Variants in LSM12 observed in about 807,000 individuals in gnomAD.
The protein encoded by LSM12 is LSM12 homolog.
For missense variants in LSM12, 108 were observed against 238.9 expected (o/e 0.45, Z 3.61); for synonymous variants, 74 against 87.3 (o/e 0.85, Z 0.85).
chr17:44,050,271 T>C (rs1277862371), intron 2 of LSM12, among the ~76,000 whole-genome samples: 1 of 147,632 alleles, frequency 6.8e-6, no homozygotes, highest in Non-Finnish European at 1.5e-5. Flanking sequence ...CGGCTAATTT[T>C]TGTATTTTTT....
intron 3 of LSM12, among the ~76,000 whole-genome samples, chr17:44,039,751 T>C (rs1472728813): frequency 6.6e-6 from 1 of 152,198 alleles, no homozygotes; most frequent in East Asian, 1.9e-4. Flanking sequence ...CAATCTACAA[T>C]GGGAAAAGTG....
chr17:44,062,418 T>G (rs1395369456), intron 2 of LSM12, among the ~76,000 whole-genome samples: 1 of 152,096 alleles, frequency 6.6e-6, no homozygotes, highest in Non-Finnish European at 1.5e-5. Flanking sequence ...GCCTGGGTGA[T>G]CAGAGAAGAC....
chr17:44,036,164 G>A lies in LSM12; in HGVS notation c.*44C>T, dbSNP rs1244526411. On this transcript the variant is annotated 3_prime_UTR_variant, in exon 5 of 5. Transcript: ENST00000293406. ...TGCCTCCGCTGAAGCCACCACCAGC[G>A]CCTCCTTGGCTGGATGCTGGAAGAG... 25 of 1,590,558 alleles carry A rather than the reference G, an allele frequency of 1.6e-5. No individual in the cohort carries two copies. Among genetic ancestry groups the A allele is most frequent in the Non-Finnish European group, 1.9e-5 (22 of 1,166,140 alleles).
chr17:44,066,676 A>T (rs1275790714), upstream of LSM12: 1 of 1,259,206 alleles, frequency 7.9e-7, no homozygotes, highest in African/African-American at 1.6e-5. Context: ...GACGGCGCGC[A>T]CGGAGCGTGC....
At chr17:44,064,083 G>T (rs540355836) in intron 1 of LSM12, 149 bp from the exon 2 acceptor site, 3 of 835,252 alleles carry the variant, frequency 3.6e-6, no homozygotes, top group South Asian at 2.1e-5. Context: ...GTTCTCCTCA[G>T]GAAATCTCTG....
chr17:44,057,109 T>TA (rs1356001131), intron 2 of LSM12, among the ~76,000 whole-genome samples: 1 of 151,538 alleles, frequency 6.6e-6, no homozygotes, highest in Non-Finnish European at 1.5e-5. Context: ...TGAGCTGAGA[T>TA]AGAGCCATGG....
chr17:44,038,972 G>A (rs1205834096), intron 3 of LSM12, among the ~76,000 whole-genome samples: 1 of 152,162 alleles, frequency 6.6e-6, no homozygotes, highest in African/African-American at 2.4e-5. Flanking sequence ...GGGGTGGGGG[G>A]AGGCGGGGTG....
chr17:44,055,006 T>G (rs1360465049), intron 2 of LSM12, among the ~76,000 whole-genome samples: 1 of 151,966 alleles, frequency 6.6e-6, no homozygotes, highest in African/African-American at 2.4e-5. Flanking sequence ...GCCCGGCTAA[T>G]TTTTCATTTT....
At chr17:44,058,052 C>G (rs1236497450) in intron 2 of LSM12, among the ~76,000 whole-genome samples, 1 of 151,196 alleles carries the variant, frequency 6.6e-6, no homozygotes, top group Non-Finnish European at 1.5e-5. Context: ...CTAGCTAACA[C>G]GGGGAAACCC....
Position 44,055,978 on chromosome 17 carries a change from G to C in LSM12, c.258+7823C>G, listed in dbSNP as rs1362385850. ...CCTCAATGTGACATGATACCTAAAG[G>C]TACCCTGGGTAGGGCGTGGTGGCTC... On this transcript the variant is annotated intron_variant, in intron 2 of 4. Coordinates refer to ENST00000293406, the MANE Select transcript of LSM12 (RefSeq NM_001371445.1). Among the ~76,000 whole-genome samples, 3 of 151,482 alleles carry C rather than the reference G, an allele frequency of 2.0e-5. No homozygotes were observed. The East Asian group carries it at 5.8e-4, about 29-fold the overall frequency.
chr17:44,040,366 TTC>T (rs1315200046), intron 2 of LSM12, 110 bp from the exon 3 acceptor site: 9 of 746,172 alleles, frequency 1.2e-5, no homozygotes, highest in South Asian at 4.8e-5. Flanking sequence ...TTTGGACAGA[TTC>T]TGTTTTCTCA....
chr17:44,039,506 C>T (rs1050635538), intron 3 of LSM12, among the ~76,000 whole-genome samples: 8 of 150,774 alleles, frequency 5.3e-5, no homozygotes, highest in Non-Finnish European at 1.0e-4. Context: ...CTCAGCCTCC[C>T]GAGTAGCTGG....
chr17:44,041,770 A>G (rs2049498029), intron 2 of LSM12, among the ~76,000 whole-genome samples: 1 of 152,206 alleles, frequency 6.6e-6, no homozygotes. Flanking sequence ...GTTGCTAGAG[A>G]TTCCAGAGGT....
chr17:44,065,862 GC>G (rs1169279588), intron 1 of LSM12, among the ~76,000 whole-genome samples: 1 of 151,362 alleles, frequency 6.6e-6, no homozygotes, highest in Non-Finnish European at 1.5e-5. Flanking sequence ...AATCAGCACA[GC>G]CCCCCCACCA....
At chr17:44,065,801 C>T (rs181027084) in intron 1 of LSM12, among the ~76,000 whole-genome samples, 1 of 152,206 alleles carries the variant, frequency 6.6e-6, no homozygotes, top group African/African-American at 2.4e-5. Flanking sequence ...AACAGGTTTC[C>T]AGTGCAAACA....
intron 2 of LSM12, among the ~76,000 whole-genome samples, chr17:44,046,581 C>CCTA (rs2049568822): frequency 6.7e-6 from 1 of 149,130 alleles, no homozygotes; most frequent in African/African-American, 2.5e-5. Context: ...GTGGCGGGCG[C>CCTA]CTGTAGTCCT....
At chr17:44,057,631 A>G (rs1487528701) in intron 2 of LSM12, among the ~76,000 whole-genome samples, 1 of 151,420 alleles carries the variant, frequency 6.6e-6, no homozygotes, top group Non-Finnish European at 1.5e-5. Context: ...GTGGTGGCAG[A>G]TGCCTGGAAT....
chr17:44,050,377 T>TG (rs1404295979), intron 2 of LSM12, among the ~76,000 whole-genome samples: 1 of 152,034 alleles, frequency 6.6e-6, no homozygotes, highest in African/African-American at 2.4e-5. Context: ...CCCAAAGTGT[T>TG]GGGGTTACAG....
intron 2 of LSM12, among the ~76,000 whole-genome samples, chr17:44,056,834 A>T (rs1340350670): frequency 6.6e-6 from 1 of 151,976 alleles, no homozygotes; most frequent in East Asian, 2.0e-4. Flanking sequence ...TCTACTAATA[A>T]TACAAAATTA....
Sources: gnomAD v4.1 joint callset for allele counts (sites outside exome capture counted in the v4.1 genomes callset) on GRCh38, gnomAD v4.1.1 for gene constraint, MANE v1.5 for transcripts, NCBI Gene and HGNC (gene_info 2026-07-23, HGNC 2026-07-21) for gene names.